Variants in HIBCH observed in about 807,000 individuals in gnomAD.
HIBCH encodes 3-hydroxyisobutyryl-CoA hydrolase.
A neutral mutation model predicts 58.2 loss-of-function variants in HIBCH; 50 were observed. That is an observed-to-expected ratio of 0.86 (90% CI 0.68 to 1.09). The LOEUF is 1.09. Ranked by LOEUF, HIBCH falls within the 50% of genes least tolerant of loss-of-function variation. The pLI is 0.00. For missense variants in HIBCH, 450 were observed against 449.7 expected (o/e 1.00, Z -0.01); for synonymous variants, 151 against 146.9 (o/e 1.03, Z -0.20).
chr2:190,314,321 GTATATA>G (rs1188324512), intron 1 of HIBCH, among the ~76,000 whole-genome samples: 695 of 9,498 alleles, frequency 0.073, 19 homozygotes, highest in African/African-American at 0.087. Flanking sequence ...GTATATATAT[GTATATA>G]TGTATATATA....
intron 5 of HIBCH, among the ~76,000 whole-genome samples, chr2:190,289,585 GTAT>G (rs2105984222): frequency 6.6e-6 from 1 of 152,204 alleles, no homozygotes; most frequent in African/African-American, 2.4e-5. Flanking sequence ...CAAACTTGCA[GTAT>G]TATATTTCTT....
Position 190,279,868 on chromosome 2 carries a change from A to G in HIBCH, c.438+7718T>C. On this transcript the variant is annotated intron_variant, in intron 6 of 13. Coordinates refer to ENST00000359678, the MANE Select transcript of HIBCH (RefSeq NM_014362.4). The surrounding 1 kb of genome is among the most constrained non-coding windows in gnomAD (Gnocchi z 4.2). ...CTCCTCTGCCTTTGCCTCTTTTAGA[A>G]AGTTCTAAGTTGCTATCCAATTGGG... 1 of 186,112 alleles carries G rather than the reference A, an allele frequency of 5.4e-6. No individual in the cohort carries two copies. Among genetic ancestry groups the G allele is most frequent in the South Asian group, 1.2e-4 (1 of 8,396 alleles). The allele number at this position is 186,112 out of a possible 1,614,324, so 11.5% of individuals were successfully genotyped here. A position where few individuals can be genotyped will look rare whatever the true frequency, so the allele number is the denominator to read the frequency against.
chr2:190,219,985 A>G (rs979621360), intron 11 of HIBCH, among the ~76,000 whole-genome samples: 1 of 152,198 alleles, frequency 6.6e-6, no homozygotes, highest in African/African-American at 2.4e-5. Context: ...CCTAAAAATA[A>G]ATCTACTCAC....
intron 6 of HIBCH, among the ~76,000 whole-genome samples, chr2:190,261,540 AT>A (rs1269604046): frequency 6.6e-6 from 1 of 151,808 alleles, no homozygotes; most frequent in Non-Finnish European, 1.5e-5. Flanking sequence ...GTAACCTACG[AT>A]TTTTTTCCCT....
chr2:190,235,444 C>T (rs184748059), intron 11 of HIBCH, among the ~76,000 whole-genome samples: 1 of 152,296 alleles, frequency 6.6e-6, no homozygotes, highest in East Asian at 1.9e-4. Flanking sequence ...CTCAATCTTT[C>T]AGCCTCCAAC....
Position 190,214,158 on chromosome 2 carries a change from A to C in HIBCH, c.892-1083T>G, listed in dbSNP as rs755908146. 5 of 152,236 alleles carry C rather than the reference A, an allele frequency of 3.3e-5. No homozygotes were observed. The highest frequency in any genetic ancestry group is 4.8e-5 in the African/African-American group (2 of 41,444). The allele number at this position is 152,236 out of a possible 1,614,324, so 9.4% of individuals were successfully genotyped here. On this transcript the variant is annotated intron_variant, in intron 11 of 13. Transcript: ENST00000359678. This position sits in a 1 kb window ranked among gnomAD's most constrained non-coding sequence, Gnocchi z 5.5. ...CCACAGACAAACCCAAGTCTTGTTC[A>C]GGAGACAGCGGAGGTGACACAAGGA...
At chr2:190,227,803 A>G (rs1205447134) in intron 11 of HIBCH, among the ~76,000 whole-genome samples, 1 of 152,254 alleles carries the variant, frequency 6.6e-6, no homozygotes, top group African/African-American at 2.4e-5. Flanking sequence ...GACACATGAA[A>G]AAATGCTCAT....
intron 7 of HIBCH, chr2:190,260,345 G>C (rs1687054107): frequency 6.6e-6 from 1 of 152,008 alleles, no homozygotes; most frequent in South Asian, 2.1e-4. Flanking sequence ...CAAAAGATAA[G>C]ACCTATAAAC....
chr2:190,318,112 C>A (rs1397248331), intron 1 of HIBCH, among the ~76,000 whole-genome samples: 1 of 152,006 alleles, frequency 6.6e-6, no homozygotes, highest in East Asian at 1.9e-4. Flanking sequence ...AGGTGTGAGC[C>A]CCCGCGCCTA....
chr2:190,297,497 G>C (rs1362981129), intron 2 of HIBCH, among the ~76,000 whole-genome samples: 1 of 152,180 alleles, frequency 6.6e-6, no homozygotes, highest in African/African-American at 2.4e-5. Flanking sequence ...ACAAAGGCTG[G>C]CTGAGGAAAC....
At chr2:190,311,901 A>G (rs1688567102) in intron 1 of HIBCH, among the ~76,000 whole-genome samples, 1 of 152,202 alleles carries the variant, frequency 6.6e-6, no homozygotes, top group Non-Finnish European at 1.5e-5. Context: ...AGCCTGAGAC[A>G]CAGCTTGACC....
At chr2:190,280,170 G>A (rs1016145759) in intron 6 of HIBCH, 3 of 152,152 alleles carry the variant, frequency 2.0e-5, no homozygotes, top group African/African-American at 7.2e-5. Context: ...GGAGTAACAG[G>A]CCTCAATTAA....
In HIBCH at chr2:190,236,488, A is replaced by C. The variant is rs1686278406; in HGVS notation, c.891+8399T>G. 6.6e-6 allele frequency among the ~76,000 whole-genome samples: 1 copy of C among 152,238 alleles called. No individual in the cohort carries two copies. On this transcript the variant is annotated intron_variant, in intron 11 of 13. Transcript: ENST00000359678. This position sits in a 1 kb window ranked among gnomAD's most constrained non-coding sequence, Gnocchi z 4.1. Reference sequence around the variant, plus strand: ...AAACATATATCTATAAATCATTTCCAGAAGTGTTCCGACTGACAATAAACC... The same window carrying C: ...AAACATATATCTATAAATCATTTCCCGAAGTGTTCCGACTGACAATAAACC...
rs1307240404 is a variant in HIBCH, at chr2:190,217,163, G to A, written c.892-4088C>T. ...TGGGAAGCCAGCTGGTCAGTCCCTT[G>A]CCTCCCCAAGTTCCTCCAGGGGTCA... On this transcript the variant is annotated intron_variant, in intron 11 of 13. Transcript: ENST00000359678. The surrounding 1 kb of genome is among the most constrained non-coding windows in gnomAD (Gnocchi z 4.6). Among the ~76,000 whole-genome samples, 2 of 152,146 alleles carry A rather than the reference G, an allele frequency of 1.3e-5. No homozygotes were observed. Among genetic ancestry groups the A allele is most frequent in the Admixed American group, 1.3e-4 (2 of 15,284 alleles).
At chr2:190,310,387 T>C (rs1481403393) in intron 2 of HIBCH, among the ~76,000 whole-genome samples, 2 of 152,258 alleles carry the variant, frequency 1.3e-5, no homozygotes, top group African/African-American at 2.4e-5. Context: ...TCTGTCCTTC[T>C]AGAGAACACT....
In HIBCH at chr2:190,204,695, A is replaced by G. The variant is rs1214656822; in HGVS notation, c.*422T>C. ...GTATACCTAAGTTGATTTCATCAACATACAAGCCAAACGAAGATCCCATTT... is the reference window on the plus strand; with the variant it reads ...GTATACCTAAGTTGATTTCATCAACGTACAAGCCAAACGAAGATCCCATTT... On this transcript the variant is annotated 3_prime_UTR_variant, in exon 14 of 14. Coordinates refer to ENST00000359678, the MANE Select transcript of HIBCH (RefSeq NM_014362.4). 1 of 190,962 alleles carries G rather than the reference A, an allele frequency of 5.2e-6. No individual in the cohort carries two copies. The highest frequency in any genetic ancestry group is 5.4e-5 in the Admixed American group (1 of 18,412). The allele number at this position is 190,962 out of a possible 1,614,324, so 11.8% of individuals were successfully genotyped here.
At chr2:190,246,342 CATAA>C (rs1686608209) in intron 9 of HIBCH, 130 bp from the exon 10 acceptor site, 1 of 634,544 alleles carries the variant, frequency 1.6e-6, no homozygotes. Flanking sequence ...CTAACTGTCT[CATAA>C]ATAACTACCG....
intron 7 of HIBCH, among the ~76,000 whole-genome samples, chr2:190,259,766 T>C (rs988697788): frequency 5.3e-5 from 8 of 152,268 alleles, no homozygotes; most frequent in African/African-American, 1.7e-4. Context: ...GAGTTTTCCA[T>C]ATATATATAA....
At chr2:190,199,406 A>G (rs535549693), downstream of HIBCH, among the ~76,000 whole-genome samples, 1 of 144,198 alleles carries the variant, frequency 6.9e-6, no homozygotes, top group South Asian at 2.1e-4. Flanking sequence ...GATAAATCTA[A>G]GCTAGCAAAA....
Sources: gnomAD v4.1 joint callset for allele counts (sites outside exome capture counted in the v4.1 genomes callset) on GRCh38, gnomAD v4.1.1 for gene constraint, Gnocchi (gnomAD v3.1) non-coding constraint, MANE v1.5 for transcripts, NCBI Gene and HGNC (gene_info 2026-07-23, HGNC 2026-07-21) for gene names.